The following APC variants were observed in gnomAD, a reference collection of about 807,000 sequenced individuals.
APC encodes the protein adenomatous polyposis coli protein.
APC carries 72 observed loss-of-function variants against 247.0 expected under a neutral mutation model. The observed-to-expected ratio is 0.29, with a 90% CI of 0.24 to 0.35. The LOEUF is 0.35. Ranked by LOEUF, APC falls within the 10% of genes least tolerant of loss-of-function variation. The pLI, the probability that APC is intolerant of heterozygous loss-of-function variation, is 1.00. For missense variants in APC, 3,400 were observed against 3,360.7 expected, an observed-to-expected ratio of 1.01 and a Z score of -0.29; for synonymous variants, 1,254 against 1,162.5, an observed-to-expected ratio of 1.08 and a Z score of -1.60.
chr5:112,839,012 C>G lies in APC; in HGVS notation c.3418C>G (p.Pro1140Ala), dbSNP rs1580635231. ...AGAAGATGACTATGAAGATGATAAG[C>G]CTACCAATTATAGTGAACGTTACTC... Reference protein sequence around the residue: ...CQEDDYEDDKPTNYSERYSEE... With the variant: ...CQEDDYEDDKATNYSERYSEE... Residue 1140 changes from proline (P) to alanine (A), a missense_variant, in exon 16 of 16, where the codon CCT (proline) becomes GCT (alanine). Transcript: ENST00000257430. This position sits in a 1 kb window ranked among gnomAD's most constrained non-coding sequence, Gnocchi z 5.0. 1 of 1,613,966 alleles carries G rather than the reference C, an allele frequency of 6.2e-7. No homozygotes were observed. Among genetic ancestry groups the G allele is most frequent in the Non-Finnish European group, 8.5e-7 (1 of 1,179,988 alleles).
chr5:112,720,896 T>C (rs1228944931), intron 1 of APC, among the ~76,000 whole-genome samples: 1 of 152,142 alleles, frequency 6.6e-6, no homozygotes, highest in Admixed American at 6.5e-5. Flanking sequence ...AGAGTTGAGA[T>C]TTTACCAGGT....
chr5:112,738,601 C>A, intron 1 of APC: 3 of 687,318 alleles, frequency 4.4e-6, no homozygotes, highest in Non-Finnish European at 5.4e-6. Flanking sequence ...TTACAAAATG[C>A]AGTGGTAGTG....
At chr5:112,720,683 G>C (rs1393325965) in intron 1 of APC, among the ~76,000 whole-genome samples, 5 of 152,156 alleles carry the variant, frequency 3.3e-5, no homozygotes, top group Non-Finnish European at 7.4e-5. Flanking sequence ...GATTTGAGGA[G>C]ACAAAAAAGA....
chr5:112,816,864 T>TTTTA (rs200858447), intron 9 of APC, among the ~76,000 whole-genome samples: 2,355 of 151,910 alleles, frequency 0.016, 31 homozygotes, highest in African/African-American at 0.019. Flanking sequence ...TTTATTTTTA[T>TTTTA]TTTATTTATT....
chr5:112,745,819 A>G (rs954541110), intron 1 of APC, among the ~76,000 whole-genome samples: 6 of 152,046 alleles, frequency 3.9e-5, no homozygotes, highest in African/African-American at 7.2e-5. Flanking sequence ...CTCGCAAAGT[A>G]TGGGGATTAC....
chr5:112,762,985 G>A (rs1367906341), intron 2 of APC, among the ~76,000 whole-genome samples: 2 of 152,108 alleles, frequency 1.3e-5, no homozygotes, highest in Non-Finnish European at 2.9e-5. Flanking sequence ...TTGTTGATGA[G>A]GTTCATAACT....
intron 6 of APC, among the ~76,000 whole-genome samples, chr5:112,787,247 G>T (rs1374720014): frequency 6.6e-6 from 1 of 152,160 alleles, no homozygotes; most frequent in Non-Finnish European, 1.5e-5. Flanking sequence ...AAATGGGCAT[G>T]GCTGTGTTTC....
Position 112,841,118 on chromosome 5 carries a change from T to A in APC, c.5524T>A (p.Ser1842Thr), listed in dbSNP as rs754648125. 73 of 1,612,970 alleles carry A rather than the reference T, an allele frequency of 4.5e-5. No homozygotes were observed. Among genetic ancestry groups the A allele is most frequent in the Non-Finnish European group, 6.1e-5 (72 of 1,178,936 alleles). The change falls in exon 16 of 16, where the codon TCA (serine) becomes ACA (threonine). Residue 1842 changes from serine (S) to threonine (T), a missense_variant. Ser to Thr is a moderately conservative substitution (Grantham distance 58, BLOSUM62 1). Transcript: ENST00000257430. The surrounding 1 kb of genome is among the most constrained non-coding windows in gnomAD (Gnocchi z 4.6). The stretch of plus-strand genomic sequence containing the variant: ...AGTCAGAGGAAGTTTTGCTTTTGAT[T>A]CACCTCATCATTACACGCCTATTGA... ...DRVRGSFAFD[S>T]PHHYTPIEGT...
intron 6 of APC, among the ~76,000 whole-genome samples, chr5:112,782,994 AAAC>A (rs894150755): frequency 2.0e-5 from 3 of 152,228 alleles, no homozygotes; most frequent in Non-Finnish European, 2.9e-5. Context: ...TGTTTCAAAA[AAAC>A]AAGTATTACT....
chr5:112,838,801 G>T lies in APC; in HGVS notation c.3207G>T (p.Arg1069Ser), dbSNP rs762867687. ...EIKQSEQRQS[R>S]NQSTTYPVYT... is the part of the protein sequence containing the mutation. ...AACAAAGTGAGCAAAGACAATCAAG[G>T]AATCAAAGTACAACTTATCCTGTTT... The change falls in exon 16 of 16, where the codon AGG becomes AGT. Residue 1069 changes from arginine (R) to serine (S), a missense_variant. Around this residue, in one of 9 missense-constraint regions of APC, gnomAD observed 715 missense variants for 656.6 expected, o/e 1.09. Coordinates refer to ENST00000257430, the MANE Select transcript of APC (RefSeq NM_000038.6). The T allele has an allele frequency of 6.2e-7, 1 of 1,614,082 alleles. No homozygotes were observed. Among genetic ancestry groups the T allele is most frequent in the Non-Finnish European group, 8.5e-7 (1 of 1,180,020 alleles).
In APC at chr5:112,833,123, C is replaced by G. The variant is rs150334171; in HGVS notation, c.1744-1828C>G. Among the ~76,000 whole-genome samples, 563 of 151,854 alleles carry G rather than the reference C, an allele frequency of 3.7e-3. 4 individuals carry two copies. Among genetic ancestry groups the G allele is most frequent in the African/African-American group, 0.013 (547 of 41,408 alleles). On this transcript the variant is annotated intron_variant, in intron 14 of 15. Coordinates refer to ENST00000257430, the MANE Select transcript of APC (RefSeq NM_000038.6). ...TGACCTCCTGGGCTCAAGCTAGCCT[C>G]CCGCCTCAGCTTCTCAAGTAGCTGG...
At chr5:112,747,117 C>A (rs1186494524) in intron 1 of APC, among the ~76,000 whole-genome samples, 1 of 152,206 alleles carries the variant, frequency 6.6e-6, no homozygotes, top group Non-Finnish European at 1.5e-5. Context: ...GCATGAGCCA[C>A]CACACCTGGC....
intron 9 of APC, 139 bp from the exon 10 acceptor site, chr5:112,818,827 G>GC (rs1561540138): frequency 3.5e-6 from 3 of 868,608 alleles, no homozygotes; most frequent in Non-Finnish European, 3.4e-6. Context: ...AGGTTTTCCG[G>GC]TTTTTTGTTT....
At chr5:112,717,756 T>C (rs1751252366) in intron 1 of APC, among the ~76,000 whole-genome samples, 4 of 152,146 alleles carry the variant, frequency 2.6e-5, no homozygotes, top group African/African-American at 7.2e-5. Context: ...ATATATGGAT[T>C]GGTGTCTTAT....
At chr5:112,733,066 C>T (rs73216295), upstream of APC, among the ~76,000 whole-genome samples, 5,925 of 152,246 alleles carry the variant, frequency 0.039, 386 homozygotes, top group African/African-American at 0.14. Flanking sequence ...GAACTTGAAC[C>T]TAAGTCTTCA....
rs922768824 is a variant in APC at position 112,801,435 on chromosome 5, G to T, written c.834+52G>T. 5 of 1,308,698 alleles carry T rather than the reference G, an allele frequency of 3.8e-6. No homozygotes were observed. The African/African-American group carries it at 7.4e-5, about 19-fold the overall frequency. The allele number at this position is 1,308,698 out of a possible 1,614,324, so 81.1% of individuals were successfully genotyped here. A position where few individuals can be genotyped will look rare whatever the true frequency, so the allele number is the denominator to read the frequency against. On this transcript the variant is annotated intron_variant, in intron 8 of 15. Coordinates refer to ENST00000257430, the MANE Select transcript of APC (RefSeq NM_000038.6). ...TTAAAATTATTTAAATATCAGAAAA[G>T]TATGAAGCAAGATGGTTCTAAGAAT...
chr5:112,830,046 C>T (rs1279900747), intron 14 of APC: 1 of 152,118 alleles, frequency 6.6e-6, no homozygotes, highest in Non-Finnish European at 1.5e-5. Context: ...CCACAGCCTA[C>T]ATGTTCTTCT....
chr5:112,807,923 G>A (rs1761581646), intron 8 of APC, among the ~76,000 whole-genome samples: 1 of 152,090 alleles, frequency 6.6e-6, no homozygotes, highest in Non-Finnish European at 1.5e-5. Flanking sequence ...CAGAGGCCGG[G>A]GTGAGCGGAT....
chr5:112,792,662 T>G (rs1465454083), intron 7 of APC, 133 bp downstream of exon 7: 1 of 673,664 alleles, frequency 1.5e-6, no homozygotes, highest in African/African-American at 1.8e-5. Context: ...CCGTAATTTT[T>G]TTCGTGAAAT....
Sources: gnomAD v4.1 joint callset for allele counts (sites outside exome capture counted in the v4.1 genomes callset) on GRCh38, gnomAD v4.1.1 for gene constraint, gnomAD v4.1.1 regional missense constraint, Gnocchi (gnomAD v3.1) non-coding constraint, MANE v1.5 for transcripts, NCBI Gene and HGNC (gene_info 2026-07-23, HGNC 2026-07-21) for gene names.